The following AGBL1 variants were observed in gnomAD, a reference collection of about 807,000 sequenced individuals.
AGBL1 encodes cytosolic carboxypeptidase 4.
In AGBL1, 130 loss-of-function variants were observed where a neutral mutation model predicts 118.9. That is an observed-to-expected ratio of 1.09 (90% CI 0.95 to 1.26). AGBL1 has a LOEUF of 1.26. Among genes scored for constraint, AGBL1 ranks in the 50% most tolerant of loss-of-function variants. The pLI is 0.00. For missense variants in AGBL1, 1,584 were observed against 1,298.1 expected (o/e 1.22, Z -3.38); for synonymous variants, 555 against 478.9 (o/e 1.16, Z -2.08).
chr15:86,592,785 T>G (rs569838526), intron 21 of AGBL1, among the ~76,000 whole-genome samples: 1 of 152,210 alleles, frequency 6.6e-6, no homozygotes, highest in Non-Finnish European at 1.5e-5. Flanking sequence ...GAAACTGCCT[T>G]TCCCTGGTGT....
rs2082075515 is a variant in AGBL1, at chr15:86,442,468, GGGAATGTCAACCCC to G, written c.2555+44926_2555+44939del. On this transcript the variant is annotated intron_variant, in intron 18 of 22. Transcript: ENST00000614907. Reference sequence around the variant, plus strand: ...TCACAAAGGTTTTCAAAATTTCATTGGGAATGTCAACCCCGGAGCCTGAGTCAAAGTATATTTTT... The same window carrying G: ...TCACAAAGGTTTTCAAAATTTCATTGGGAGCCTGAGTCAAAGTATATTTTT... Among the ~76,000 whole-genome samples, 5 of 152,256 alleles carry G rather than the reference GGGAATGTCAACCCC, an allele frequency of 3.3e-5. No homozygotes were observed. The South Asian group carries it at 1.0e-3, about 32-fold the overall frequency.
intron 22 of AGBL1, among the ~76,000 whole-genome samples, chr15:86,691,536 G>A (rs1042581011): frequency 6.6e-6 from 1 of 152,134 alleles, no homozygotes; most frequent in Non-Finnish European, 1.5e-5. Context: ...GGAAAGCCTT[G>A]TAAAATGCTC....
At position 86,803,228 on chromosome 15, in the gene AGBL1, C is replaced by T. The variant is rs1417852958; in HGVS notation, c.3159-103859C>T. 2.0e-5 allele frequency among the ~76,000 whole-genome samples: 3 copies of T among 152,078 alleles called. No individual in the cohort carries two copies. The South Asian group carries it at 6.2e-4, about 32-fold the overall frequency. On this transcript the variant is annotated intron_variant, in intron 22 of 22. Coordinates refer to ENST00000614907, the MANE Select transcript of AGBL1 (RefSeq NM_001386094.1). Reference sequence around the variant, plus strand: ...GGTGATTGGATCATGGGGGTTGTTTCTCCCGTGCTGTTCTTGTGATAGGAG... The same window carrying T: ...GGTGATTGGATCATGGGGGTTGTTTTTCCCGTGCTGTTCTTGTGATAGGAG...
chr15:86,735,017 T>C (rs920842787), intron 22 of AGBL1, among the ~76,000 whole-genome samples: 20 of 150,034 alleles, frequency 1.3e-4, no homozygotes, highest in African/African-American at 5.0e-4. Flanking sequence ...TACCTTGATA[T>C]GTTCATAGGC....
In AGBL1 at chr15:86,230,274, G is replaced by A. The variant is rs150639811; in HGVS notation, c.526+5323G>A. 8.0e-3 allele frequency among the ~76,000 whole-genome samples: 1,217 copies of A among 152,264 alleles called. 13 individuals carry two copies. Among genetic ancestry groups the A allele is most frequent in the African/African-American group, 0.028 (1,176 of 41,530 alleles). The stretch of plus-strand genomic sequence containing the variant: ...ACCTGGCAATCAGCAATGCAGAGAC[G>A]GGAGAATGTGATTGATGGCCAAATG... On this transcript the variant is annotated intron_variant, in intron 6 of 22. Coordinates refer to ENST00000614907, the MANE Select transcript of AGBL1 (RefSeq NM_001386094.1).
chr15:86,317,606 C>G (rs1567196129), intron 17 of AGBL1, among the ~76,000 whole-genome samples: 1 of 152,158 alleles, frequency 6.6e-6, no homozygotes, highest in Non-Finnish European at 1.5e-5. Context: ...TGAAGCAAGT[C>G]ACAGACTAGC....
intron 21 of AGBL1, among the ~76,000 whole-genome samples, chr15:86,642,219 A>G (rs1408029264): frequency 6.6e-6 from 1 of 152,228 alleles, no homozygotes; most frequent in Non-Finnish European, 1.5e-5. Context: ...AACTATAATC[A>G]GAAGGGTTGA....
At chr15:86,479,347 A>G (rs1052237113) in intron 18 of AGBL1, among the ~76,000 whole-genome samples, 6 of 152,228 alleles carry the variant, frequency 3.9e-5, no homozygotes, top group African/African-American at 1.4e-4. Context: ...ACAAAGGGCT[A>G]ATATCCAGAA....
In AGBL1 at chr15:86,083,766, T is replaced by A. The variant is rs1458013642; in HGVS notation, c.51+3743T>A. On this transcript the variant is annotated intron_variant, in intron 1 of 22. Coordinates refer to ENST00000614907, the MANE Select transcript of AGBL1 (RefSeq NM_001386094.1). Reference sequence around the variant, plus strand: ...GAAAAATGATGACTGATATGTTTCATTCATAGCACTTGGGACTTCTGCTTC... The same window carrying A: ...GAAAAATGATGACTGATATGTTTCAATCATAGCACTTGGGACTTCTGCTTC... The A allele has an allele frequency of 3.3e-5, 5 of 152,348 alleles. No homozygotes were observed. The East Asian group carries it at 5.8e-4, about 18-fold the overall frequency. The allele number at this position is 152,348 out of a possible 1,614,324, so 9.4% of individuals were successfully genotyped here.
At chr15:86,515,995 C>T (rs1036191492) in intron 18 of AGBL1, among the ~76,000 whole-genome samples, 1 of 152,254 alleles carries the variant, frequency 6.6e-6, no homozygotes, top group Non-Finnish European at 1.5e-5. Context: ...TGGGACAACT[C>T]AAAGCGGGGG....
At chr15:86,993,601 G>A (rs1238812389) in intron 24 of AGBL1, among the ~76,000 whole-genome samples, 1 of 152,174 alleles carries the variant, frequency 6.6e-6, no homozygotes, top group Non-Finnish European at 1.5e-5. Context: ...GGTTATATGA[G>A]TATGCTGCCT....
rs567489417 is a variant in AGBL1 at position 86,279,537 on chromosome 15, G to C, written c.2076-102G>C. On this transcript the variant is annotated intron_variant, in intron 15 of 22. Coordinates refer to ENST00000614907, the MANE Select transcript of AGBL1 (RefSeq NM_001386094.1). ...AAGTGAAGGCCATTGTGCCAGGACA[G>C]TATATAACGCACAAGATTTATAGCA... 640 of 1,145,472 alleles carry C rather than the reference G, an allele frequency of 5.6e-4. 5 individuals are homozygous for C. In the South Asian group the frequency reaches 7.1e-3, roughly 13 times the overall value. The allele number at this position is 1,145,472 out of a possible 1,614,324, so 71.0% of individuals were successfully genotyped here. A position where few individuals can be genotyped will look rare whatever the true frequency, so the allele number is the denominator to read the frequency against.
At chr15:86,387,158 G>T (rs561845483) in intron 17 of AGBL1, among the ~76,000 whole-genome samples, 1 of 152,264 alleles carries the variant, frequency 6.6e-6, no homozygotes, top group Non-Finnish European at 1.5e-5. Flanking sequence ...TATGTAACAG[G>T]CGAAAGGGAG....
intron 21 of AGBL1, among the ~76,000 whole-genome samples, chr15:86,655,151 C>A (rs890867203): frequency 5.9e-5 from 9 of 152,178 alleles, no homozygotes; most frequent in African/African-American, 1.9e-4. Flanking sequence ...TGATTCCAAT[C>A]TCCGGAAATG....
intron 5 of AGBL1, among the ~76,000 whole-genome samples, chr15:86,164,280 G>A (rs2141724819): frequency 6.6e-6 from 1 of 152,288 alleles, no homozygotes; most frequent in East Asian, 1.9e-4. Context: ...GAAGTAGGGA[G>A]GAGGAAATGA....
intron 19 of AGBL1, among the ~76,000 whole-genome samples, chr15:86,536,210 G>C (rs7167787): frequency 0.16 from 24,659 of 152,136 alleles, 2,070 homozygotes; most frequent in Middle Eastern, 0.19. Context: ...TCAGTTTCTT[G>C]ATAAATTTTA....
At chr15:86,392,653 C>T (rs185652063) in intron 17 of AGBL1, among the ~76,000 whole-genome samples, 7 of 152,266 alleles carry the variant, frequency 4.6e-5, no homozygotes, top group Admixed American at 2.0e-4. Flanking sequence ...TTTTACTCAA[C>T]TTTTCATTGG....
intron 21 of AGBL1, among the ~76,000 whole-genome samples, chr15:86,565,524 C>G (rs564596099): frequency 6.6e-6 from 1 of 152,186 alleles, no homozygotes; most frequent in South Asian, 2.1e-4. Context: ...AGCCATGTGA[C>G]GTGTCAGTCT....
At chr15:86,397,312 A>C (rs1029541746) in intron 17 of AGBL1, 54 bp from the exon 18 acceptor site, 1 of 1,287,960 alleles carries the variant, frequency 7.8e-7, no homozygotes, top group Non-Finnish European at 1.0e-6. Flanking sequence ...AAAACTATAA[A>C]ATAGAGCAAT....
Sources: allele counts gnomAD v4.1 joint callset (sites outside exome capture counted in the v4.1 genomes callset), GRCh38; gene constraint gnomAD v4.1.1; transcripts MANE v1.5; gene names NCBI Gene and HGNC (gene_info 2026-07-23, HGNC 2026-07-21).